The following KAZN variants were observed in gnomAD, a reference collection of about 807,000 sequenced individuals.
The protein encoded by KAZN is kazrin, periplakin interacting protein.
Under a neutral mutation model 87.4 loss-of-function variants are expected in KAZN, and 40 were observed. The ratio of observed to expected loss-of-function variants is 0.46; its 90% CI spans 0.36 to 0.60. The LOEUF is 0.60. Ranked by LOEUF, KAZN falls within the 20% of genes least tolerant of loss-of-function variation. The probability of loss-of-function intolerance (pLI) is 0.00; values close to 1 mark genes in which losing one functional copy is unlikely to be tolerated. For missense variants in KAZN, 898 were observed against 1,073.9 expected (o/e 0.84, Z 2.29); for synonymous variants, 466 against 458.3 (o/e 1.02, Z -0.22).
At chr1:14,963,697 T>C (rs182618850) in intron 2 of KAZN, among the ~76,000 whole-genome samples, 43 of 152,312 alleles carry the variant, frequency 2.8e-4, no homozygotes, top group African/African-American at 1.0e-3. Flanking sequence ...CATAGGTATA[T>C]GTGTGCCATG....
chr1:14,075,690 C>T (rs2101572612), intron 1 of KAZN, among the ~76,000 whole-genome samples: 1 of 152,288 alleles, frequency 6.6e-6, no homozygotes, highest in East Asian at 1.9e-4. Context: ...GGAAAATCAT[C>T]CTGTTCCGAA....
chr1:13,914,510 C>T (rs61777395), intron 1 of KAZN, among the ~76,000 whole-genome samples: 4,253 of 152,306 alleles, frequency 0.028, 73 homozygotes, highest in Non-Finnish European at 0.045. Flanking sequence ...GTCACCGCCT[C>T]GATTAGGTTA....
intron 1 of KAZN, among the ~76,000 whole-genome samples, chr1:14,745,573 G>C (rs773285043): frequency 5.3e-5 from 8 of 152,104 alleles, no homozygotes; most frequent in Non-Finnish European, 8.8e-5. Context: ...GTATGGCAGA[G>C]TGCTCAGCAT....
At chr1:14,831,765 T>G (rs1647055141) in intron 1 of KAZN, among the ~76,000 whole-genome samples, 1 of 152,134 alleles carries the variant, frequency 6.6e-6, no homozygotes, top group Admixed American at 6.6e-5. Context: ...GTGCTGAGGC[T>G]CGGGTGGGCC....
chr1:14,976,019 G>A (rs1208743766), intron 2 of KAZN, among the ~76,000 whole-genome samples: 139 of 128,564 alleles, frequency 1.1e-3, no homozygotes, highest in South Asian at 3.0e-3. Context: ...GCGACTGAGC[G>A]AGACTCCGTC....
chr1:14,239,077 G>A (rs959088084), intron 2 of KAZN, among the ~76,000 whole-genome samples: 2 of 152,002 alleles, frequency 1.3e-5, no homozygotes, highest in Admixed American at 6.6e-5. Context: ...TTTCTTTCTG[G>A]CACAAAATGG....
chr1:14,309,782 G>C (rs1296582101), intron 2 of KAZN, among the ~76,000 whole-genome samples: 1 of 151,478 alleles, frequency 6.6e-6, no homozygotes, highest in Non-Finnish European at 1.5e-5. Flanking sequence ...ATGTTCCCCA[G>C]GCTGGTATTG....
intron 1 of KAZN, among the ~76,000 whole-genome samples, chr1:14,081,613 T>C (rs3817958): frequency 0.1 from 15,497 of 152,232 alleles, 949 homozygotes; most frequent in East Asian, 0.13. Context: ...AAAATTCTAC[T>C]GGTACATATC....
chr1:14,314,529 C>G (rs146868320), intron 2 of KAZN, among the ~76,000 whole-genome samples: 4 of 152,108 alleles, frequency 2.6e-5, no homozygotes, highest in Non-Finnish European at 4.4e-5. Context: ...CCTTTTGGCA[C>G]GGGATGGGCC....
intron 1 of KAZN, among the ~76,000 whole-genome samples, chr1:14,876,917 G>A (rs1652826527): frequency 6.6e-6 from 1 of 152,210 alleles, no homozygotes; most frequent in Non-Finnish European, 1.5e-5. Flanking sequence ...TGGGCAAGTT[G>A]AAACCAACTT....
At chr1:14,467,235 A>C (rs1668207921) in intron 2 of KAZN, among the ~76,000 whole-genome samples, 1 of 152,144 alleles carries the variant, frequency 6.6e-6, no homozygotes, top group Non-Finnish European at 1.5e-5. Context: ...ATACTGTTAA[A>C]ATTAATTTAG....
At chr1:14,573,534 C>T (rs1443843979) in intron 2 of KAZN, among the ~76,000 whole-genome samples, 1 of 152,084 alleles carries the variant, frequency 6.6e-6, no homozygotes, top group Non-Finnish European at 1.5e-5. Flanking sequence ...GTAATCCCAG[C>T]TACTAGAGAA....
chr1:14,569,320 C>CTTTTTTTTTTT lies in KAZN; in HGVS notation c.250-29653_250-29643dup, dbSNP rs35144232. On this transcript the variant is annotated intron_variant, in intron 2 of 16. Coordinates refer to the KAZN transcript ENST00000636203. ...TCCTCTACCTCCTCTACTTCCTCTG[C>CTTTTTTTTTTT]TTTTTTTTTTTTTTTTTTTTGAGAC... Among the ~76,000 whole-genome samples the CTTTTTTTTTTT allele has an allele frequency of 3.3e-3, 301 of 92,316 alleles. 25 individuals are homozygous for CTTTTTTTTTTT. The highest frequency in any genetic ancestry group is 6.4e-3 in the African/African-American group (142 of 22,062). 60.6% of individuals were successfully genotyped at this position (92,316 alleles called of 152,430 possible). A position where few individuals can be genotyped will look rare whatever the true frequency, so the allele number is the denominator to read the frequency against.
Position 15,099,599 on chromosome 1 carries a change from C to T in KAZN, c.1548-1944C>T, listed in dbSNP as rs1640958480. Among the ~76,000 whole-genome samples the T allele has an allele frequency of 2.6e-5, 4 of 152,080 alleles. No homozygotes were observed. Among genetic ancestry groups the T allele is most frequent in the Admixed American group, 2.6e-4 (4 of 15,278 alleles). On this transcript the variant is annotated intron_variant, in intron 10 of 14. Coordinates refer to ENST00000376030, the MANE Select transcript of KAZN (RefSeq NM_201628.3). The surrounding 1 kb of genome is among the most constrained non-coding windows in gnomAD (Gnocchi z 5.4). ...GGAAACGGCCCCCAGGACCCCAAGCCCCATGTGCGTTGGGGGAGGGGAAGT... is the reference window on the plus strand; with the variant it reads ...GGAAACGGCCCCCAGGACCCCAAGCTCCATGTGCGTTGGGGGAGGGGAAGT...
chr1:14,211,048 GACAC>G (rs1646843241), intron 2 of KAZN, among the ~76,000 whole-genome samples: 1 of 152,018 alleles, frequency 6.6e-6, no homozygotes, highest in Non-Finnish European at 1.5e-5. Flanking sequence ...AGATTTGGGA[GACAC>G]ACAGGAGTTC....
chr1:14,459,228 T>C (rs1571700124), intron 2 of KAZN, among the ~76,000 whole-genome samples: 1 of 151,664 alleles, frequency 6.6e-6, no homozygotes, highest in Non-Finnish European at 1.5e-5. Flanking sequence ...GGCCTAGGAG[T>C]TAAGATTCAA....
chr1:14,854,933 G>A (rs891407456), intron 1 of KAZN, among the ~76,000 whole-genome samples: 4 of 152,168 alleles, frequency 2.6e-5, no homozygotes, highest in Admixed American at 2.6e-4. Flanking sequence ...ATATTCTCAA[G>A]AAATCGGCTT....
chr1:14,341,473 C>G (rs1022218620), intron 2 of KAZN, among the ~76,000 whole-genome samples: 1 of 152,206 alleles, frequency 6.6e-6, no homozygotes, highest in African/African-American at 2.4e-5. Context: ...CTCACAGCAC[C>G]ACTGTCCTTG....
chr1:14,475,097 G>C (rs1472923906), intron 2 of KAZN, among the ~76,000 whole-genome samples: 1 of 152,072 alleles, frequency 6.6e-6, no homozygotes, highest in Non-Finnish European at 1.5e-5. Context: ...TGGATGCATA[G>C]ATGACGGATG....
Sources: gnomAD v4.1 joint callset for allele counts (sites outside exome capture counted in the v4.1 genomes callset) on GRCh38, gnomAD v4.1.1 for gene constraint, Gnocchi (gnomAD v3.1) non-coding constraint, MANE v1.5 for transcripts, NCBI Gene and HGNC (gene_info 2026-07-23, HGNC 2026-07-21) for gene names.